CHD4: variants seen among roughly 807,000 people sequenced by gnomAD.
CHD4 encodes chromodomain helicase DNA binding protein 4.
Under a neutral mutation model 235.5 loss-of-function variants are expected in CHD4, and 35 were observed. The ratio of observed to expected loss-of-function variants is 0.15; its 90% CI spans 0.11 to 0.20. The LOEUF (loss-of-function observed/expected upper bound fraction) is 0.20. Ranked by LOEUF, CHD4 falls within the 10% of genes least tolerant of loss-of-function variation. CHD4 has a pLI of 1.00. For missense variants in CHD4, 1,329 were observed against 2,432.3 expected (o/e 0.55, Z 9.54); for synonymous variants, 900 against 850.2 (o/e 1.06, Z -1.02).
At chr12:6,587,170 C>T (rs1006940668) in intron 25 of CHD4, 6 of 560,000 alleles carry the variant, frequency 1.1e-5, no homozygotes, top group South Asian at 5.0e-5. Context: ...CTGTTGTGAG[C>T]ATGATATTTG....
At chr12:6,579,827 C>T (rs376615408) in intron 33 of CHD4, among the ~76,000 whole-genome samples, 8 of 150,448 alleles carry the variant, frequency 5.3e-5, no homozygotes, top group East Asian at 2.0e-4. Flanking sequence ...GAGGCCAAAG[C>T]GGGCGGATCA....
intron 22 of CHD4, among the ~76,000 whole-genome samples, chr12:6,590,441 G>A (rs1341123091): frequency 2.0e-5 from 3 of 152,046 alleles, no homozygotes; most frequent in African/African-American, 7.2e-5. Context: ...CTAGCTAGTT[G>A]AACAGTATAC....
At chr12:6,588,486 T>A in intron 22 of CHD4, 64 bp from the exon 23 acceptor site, 3 of 1,578,360 alleles carry the variant, frequency 1.9e-6, no homozygotes, top group Non-Finnish European at 2.6e-6. Flanking sequence ...AAATGTAGTT[T>A]AAAAAATTAA....
At chr12:6,586,578 C>T (rs1051776436) in intron 25 of CHD4, among the ~76,000 whole-genome samples, 2 of 152,106 alleles carry the variant, frequency 1.3e-5, no homozygotes, top group African/African-American at 4.8e-5. Flanking sequence ...AAAAATTAAC[C>T]AGGTGTGGTA....
Position 6,580,082 on chromosome 12 carries a change from G to C in CHD4, c.4909+962C>G, listed in dbSNP as rs541612323. 3.4e-5 allele frequency among the ~76,000 whole-genome samples: 5 copies of C among 148,672 alleles called. No homozygotes were observed. In the East Asian group the frequency reaches 8.0e-4, roughly 24 times the overall value. On this transcript the variant is annotated intron_variant, in intron 33 of 39. Coordinates refer to ENST00000544040, the MANE Select transcript of CHD4 (RefSeq NM_001273.5). Reference sequence around the variant, plus strand: ...AAAAAAAAAAAAAAAAAAAAATTACGTGGGCATGGTTGTGGCACGCCTGCA... The same window carrying C: ...AAAAAAAAAAAAAAAAAAAAATTACCTGGGCATGGTTGTGGCACGCCTGCA...
intron 25 of CHD4, chr12:6,583,652 T>C (rs919842805): frequency 4.9e-6 from 2 of 409,308 alleles, no homozygotes; most frequent in Non-Finnish European, 8.7e-6. Flanking sequence ...TGCTTTCTTC[T>C]AACCCCTTGC....
At chr12:6,583,451 T>A (rs1474838922) in intron 25 of CHD4, 73 bp from the exon 26 acceptor site, 9 of 1,325,504 alleles carry the variant, frequency 6.8e-6, no homozygotes, top group African/African-American at 1.5e-5. Context: ...TCCTCACAGT[T>A]CCCACTCTGC....
At chr12:6,587,685 C>G (rs1469314298) in intron 24 of CHD4, 27 bp downstream of exon 24, 2 of 1,611,540 alleles carry the variant, frequency 1.2e-6, no homozygotes, top group Non-Finnish European at 1.7e-6. Context: ...AGCCCCACAC[C>G]AAAACGTAAG....
At chr12:6,584,067 G>A (rs1395932231) in intron 25 of CHD4, 1 of 152,132 alleles carries the variant, frequency 6.6e-6, no homozygotes. Flanking sequence ...TTCCGCACCT[G>A]TGGATTCAAA....
Position 6,606,144 on chromosome 12 carries a change from C to T in CHD4, c.100+130G>A, listed in dbSNP as rs1948692352. On this transcript the variant is annotated intron_variant, in intron 2 of 39. Transcript: ENST00000544040. The stretch of plus-strand genomic sequence containing the variant: ...GAGCTCCGCAGAAGGGAACCACTCC[C>T]TTCGGATACCCTCCACCTCCGGCTC... The T allele has an allele frequency of 9.5e-6, 6 of 632,374 alleles. No homozygotes were observed. In the South Asian group the frequency reaches 1.1e-4, roughly 11 times the overall value. The allele number at this position is 632,374 out of a possible 1,614,324, so 39.2% of individuals were successfully genotyped here. A position where few individuals can be genotyped will look rare whatever the true frequency, so the allele number is the denominator to read the frequency against.
chr12:6,577,938 AAAAAC>A, intron 36 of CHD4, 21 bp from the exon 37 acceptor site: 8 of 1,613,518 alleles, frequency 5.0e-6, no homozygotes, highest in Non-Finnish European at 5.9e-6. Flanking sequence ...AGTGCTCAGG[AAAAAC>A]AAAACAAGGA....
intron 37 of CHD4, among the ~76,000 whole-genome samples, chr12:6,577,417 CAAAA>C (rs60910415): frequency 3.4e-5 from 3 of 87,322 alleles, no homozygotes; most frequent in African/African-American, 7.5e-5. Flanking sequence ...GATTCTGCCT[CAAAA>C]AAAAAAAAAA....
chr12:6,592,878 C>T (rs1948424360), intron 17 of CHD4, 61 bp from the exon 18 acceptor site: 2 of 1,571,354 alleles, frequency 1.3e-6, no homozygotes, highest in Non-Finnish European at 1.7e-6. Flanking sequence ...CAAATCTCTA[C>T]AAAATTTCAA....
At chr12:6,606,670 G>A (rs1592287952) in intron 1 of CHD4, 1 of 311,282 alleles carries the variant, frequency 3.2e-6, no homozygotes. Context: ...TCCGAGGGCA[G>A]GCTGGTGCAA....
In CHD4 at chr12:6,581,099, C is replaced by T; in HGVS notation, c.4854G>A (p.Val1618=). ...VVEPPEGEEK[V]EKAEVKERTE... is the part of the protein sequence containing the mutation. Reference sequence around the variant, plus strand: ...TTCTCTCCTTCACCTCTGCCTTTTCCACTTTCTCCTCTCCCTCAGGGGGTT... The same window carrying T: ...TTCTCTCCTTCACCTCTGCCTTTTCTACTTTCTCCTCTCCCTCAGGGGGTT... The change falls in exon 33 of 40, where the codon GTG becomes GTA. Residue 1618 remains valine, a synonymous_variant. Coordinates refer to ENST00000544040, the MANE Select transcript of CHD4 (RefSeq NM_001273.5). The T allele has an allele frequency of 6.2e-7, 1 of 1,614,122 alleles. No homozygotes were observed. The highest frequency in any genetic ancestry group is 8.5e-7 in the Non-Finnish European group (1 of 1,180,020).
chr12:6,601,843 C>T (rs561676543), intron 4 of CHD4, 77 bp from the exon 5 acceptor site: 2 of 1,560,134 alleles, frequency 1.3e-6, no homozygotes, highest in Non-Finnish European at 1.8e-6. Flanking sequence ...GTGGAAAAAT[C>T]AGAGTAACAG....
At chr12:6,582,771 TGA>T (rs1948217537) in intron 28 of CHD4, 23 bp from the exon 29 acceptor site, 2 of 1,614,074 alleles carry the variant, frequency 1.2e-6, no homozygotes, top group African/African-American at 2.7e-5. Context: ...GAAACCCAGG[TGA>T]GAGGCAGCAG....
chr12:6,596,643 T>C (rs936374285), intron 12 of CHD4, among the ~76,000 whole-genome samples: 3 of 151,670 alleles, frequency 2.0e-5, no homozygotes, highest in African/African-American at 7.3e-5. Flanking sequence ...CTACTAAAAA[T>C]GCAAAAATTA....
At chr12:6,595,204 C>T (rs1592276147) in intron 14 of CHD4, 130 bp downstream of exon 14, 3 of 733,788 alleles carry the variant, frequency 4.1e-6, no homozygotes, top group East Asian at 2.8e-5. Flanking sequence ...GTGGGGAAGC[C>T]GACTTTGTGA....
Sources: allele counts gnomAD v4.1 joint callset (sites outside exome capture counted in the v4.1 genomes callset), GRCh38; gene constraint gnomAD v4.1.1; transcripts MANE v1.5; gene names NCBI Gene and HGNC (gene_info 2026-07-23, HGNC 2026-07-21).